Variants in LSAMP observed in about 807,000 individuals in gnomAD.
LSAMP encodes limbic system-associated membrane protein.
A neutral mutation model predicts 38.6 loss-of-function variants in LSAMP; 7 were observed. The ratio of observed to expected loss-of-function variants is 0.18; its 90% CI spans 0.10 to 0.34. LSAMP has a LOEUF of 0.34. Among genes scored for constraint, LSAMP ranks in the 10% least tolerant of loss-of-function variants. The pLI is 1.00. For synonymous variants in LSAMP, 154 were observed against 166.8 expected (o/e 0.92, Z 0.59); for missense variants, 313 against 420.0 (o/e 0.75, Z 2.23).
chr3:116,067,212 C>T (rs1286090875), intron 2 of LSAMP, among the ~76,000 whole-genome samples: 1 of 151,984 alleles, frequency 6.6e-6, no homozygotes, highest in African/African-American at 2.4e-5. Flanking sequence ...GAGCTTGTAC[C>T]CTCCTAGAGA....
At chr3:115,977,278 T>C (rs144919061) in intron 3 of LSAMP, among the ~76,000 whole-genome samples, 61 of 152,340 alleles carry the variant, frequency 4.0e-4, no homozygotes, top group African/African-American at 1.4e-3. Context: ...AAAATTCTCA[T>C]AGTCACTGGT....
chr3:115,911,938 T>A (rs372972303), intron 3 of LSAMP, among the ~76,000 whole-genome samples: 1 of 152,248 alleles, frequency 6.6e-6, no homozygotes, highest in African/African-American at 2.4e-5. Flanking sequence ...CGGCTAGTGA[T>A]GTTAAACATC....
chr3:116,268,269 G>A (rs1335993945), intron 1 of LSAMP, among the ~76,000 whole-genome samples: 1 of 151,896 alleles, frequency 6.6e-6, no homozygotes, highest in African/African-American at 2.4e-5. Flanking sequence ...TGTTTATAAA[G>A]GGAAGTCTTT....
At chr3:115,822,053 G>C (rs890069758) in intron 6 of LSAMP, among the ~76,000 whole-genome samples, 6 of 152,234 alleles carry the variant, frequency 3.9e-5, no homozygotes, top group South Asian at 4.1e-4. Context: ...TTCACTCAGA[G>C]GCTTTAGGGA....
intron 1 of LSAMP, among the ~76,000 whole-genome samples, chr3:116,113,893 A>G (rs890961397): frequency 1.3e-5 from 2 of 152,196 alleles, no homozygotes; most frequent in Non-Finnish European, 2.9e-5. Flanking sequence ...ATTGCAAGCT[A>G]CAAAGAGCAA....
chr3:116,088,105 C>A (rs1009496484), intron 1 of LSAMP, among the ~76,000 whole-genome samples: 2 of 151,932 alleles, frequency 1.3e-5, no homozygotes, highest in Non-Finnish European at 2.9e-5. Context: ...GTTGTCCAGG[C>A]TAGCCTCAAG....
At chr3:116,112,147 A>T (rs1708630080) in intron 1 of LSAMP, among the ~76,000 whole-genome samples, 1 of 152,246 alleles carries the variant, frequency 6.6e-6, no homozygotes, top group Non-Finnish European at 1.5e-5. Flanking sequence ...GGAATGCTAA[A>T]TAGCTATAAC....
At chr3:116,259,288 A>G (rs2046795027) in intron 1 of LSAMP, among the ~76,000 whole-genome samples, 1 of 152,134 alleles carries the variant, frequency 6.6e-6, no homozygotes, top group East Asian at 1.9e-4. Flanking sequence ...TAGCTTATTT[A>G]TGAGACATTG....
intron 1 of LSAMP, among the ~76,000 whole-genome samples, chr3:116,251,914 A>G (rs896130882): frequency 6.6e-6 from 1 of 152,214 alleles, no homozygotes; most frequent in Non-Finnish European, 1.5e-5. Flanking sequence ...TCTGCTTCTC[A>G]TACATTTGAC....
At chr3:116,420,324 C>A (rs2049105662) in intron 1 of LSAMP, among the ~76,000 whole-genome samples, 1 of 151,954 alleles carries the variant, frequency 6.6e-6, no homozygotes, top group Non-Finnish European at 1.5e-5. Context: ...TCTTGAACTC[C>A]TGACCTCAGG....
intron 6 of LSAMP, among the ~76,000 whole-genome samples, chr3:115,819,252 G>A (rs1316444343): frequency 6.6e-6 from 1 of 151,952 alleles, no homozygotes. Context: ...GACCAACACA[G>A]TGAAACCCCG....
chr3:116,220,701 T>A (rs760894214), intron 1 of LSAMP, among the ~76,000 whole-genome samples: 24 of 152,122 alleles, frequency 1.6e-4, no homozygotes, highest in African/African-American at 2.9e-4. Context: ...AATGGAAGAA[T>A]GAGATAAGGG....
At chr3:116,130,843 C>T (rs1190815090) in intron 1 of LSAMP, among the ~76,000 whole-genome samples, 1 of 151,868 alleles carries the variant, frequency 6.6e-6, no homozygotes, top group Admixed American at 6.6e-5. Flanking sequence ...TTTTTCTTCC[C>T]CCTTTTCCTC....
At chr3:116,413,313 C>A (rs1162694402) in intron 1 of LSAMP, among the ~76,000 whole-genome samples, 1 of 151,880 alleles carries the variant, frequency 6.6e-6, no homozygotes, top group African/African-American at 2.4e-5. Context: ...GAATAAGCTA[C>A]TTGGAAATCC....
At chr3:116,286,902 AAAAAAGGTAACTAGGGCCT>A (rs1227818255) in intron 1 of LSAMP, among the ~76,000 whole-genome samples, 1 of 151,900 alleles carries the variant, frequency 6.6e-6, no homozygotes, top group Non-Finnish European at 1.5e-5. Flanking sequence ...AAAAAAAAAA[AAAAAAGGTAACTAGGGCCT>A]AAAAGGTCTA....
chr3:116,359,802 T>G (rs548125519), intron 1 of LSAMP, among the ~76,000 whole-genome samples: 22 of 152,222 alleles, frequency 1.4e-4, no homozygotes, highest in Non-Finnish European at 2.8e-4. Context: ...CTGGGCCCCT[T>G]CCTTATACCA....
At chr3:116,283,458 T>C (rs2047155181) in intron 1 of LSAMP, among the ~76,000 whole-genome samples, 1 of 152,180 alleles carries the variant, frequency 6.6e-6, no homozygotes, top group Admixed American at 6.5e-5. Flanking sequence ...TTGACTAATA[T>C]GGCTTGACAG....
intron 1 of LSAMP, among the ~76,000 whole-genome samples, chr3:116,332,750 T>TA: frequency 6.6e-6 from 1 of 152,100 alleles, no homozygotes. Flanking sequence ...ACAAGAAACT[T>TA]ACTTTAGATT....
At chr3:115,815,920 C>A (rs1258066047) in intron 6 of LSAMP, among the ~76,000 whole-genome samples, 4 of 152,120 alleles carry the variant, frequency 2.6e-5, no homozygotes, top group Non-Finnish European at 5.9e-5. Context: ...AACAAAGTGT[C>A]CATAATCTCT....
Sources: allele counts gnomAD v4.1 joint callset (sites outside exome capture counted in the v4.1 genomes callset), GRCh38; gene constraint gnomAD v4.1.1; transcripts MANE v1.5; gene names NCBI Gene and HGNC (gene_info 2026-07-23, HGNC 2026-07-21).